COL18A1: variants seen among roughly 807,000 people sequenced by gnomAD.
The protein encoded by COL18A1 is collagen alpha-1(XVIII) chain.
A neutral mutation model predicts 168.0 loss-of-function variants in COL18A1; 133 were observed. The ratio of observed to expected loss-of-function variants is 0.79; its 90% CI spans 0.69 to 0.91. The LOEUF (loss-of-function observed/expected upper bound fraction) is 0.91, where lower values mean the gene tolerates loss of function less well. COL18A1 is among the 40% of genes least tolerant of loss of function. The pLI is 0.00. For missense variants in COL18A1, 2,126 were observed against 1,925.4 expected, an observed-to-expected ratio of 1.10 and a Z score of -1.95; for synonymous variants, 949 against 809.0, an observed-to-expected ratio of 1.17 and a Z score of -2.94.
chr21:45,451,650 A>T (rs1226859965), intron 2 of COL18A1, among the ~76,000 whole-genome samples: 1 of 152,182 alleles, frequency 6.6e-6, no homozygotes, highest in African/African-American at 2.4e-5. Context: ...CAGCAGCAGG[A>T]GCGCTCAGAG....
Position 45,468,472 on chromosome 21 carries a change from G to T in COL18A1, c.337G>T (p.Asp113Tyr). 2.5e-6 allele frequency: 4 copies of T among 1,614,078 alleles called. No individual in the cohort carries two copies. Among genetic ancestry groups the T allele is most frequent in the Non-Finnish European group, 3.4e-6 (4 of 1,180,032 alleles). ...EGPGVLFAIT[D>Y]SAQAMVLLGV... is the part of the protein sequence containing the mutation. ...CCCAGGGGTGCTGTTCGCCATCACG[G>T]ACTCGGCGCAGGCCATGGTCTTGCT... is the stretch of plus-strand genomic sequence containing the variant. Residue 113 changes from aspartate to tyrosine, a missense_variant, in exon 3 of 42, where the codon GAC becomes TAC. Transcript: ENST00000651438.
chr21:45,408,872 G>C (rs1160659732), intron 2 of COL18A1, among the ~76,000 whole-genome samples: 1 of 152,236 alleles, frequency 6.6e-6, no homozygotes, highest in Non-Finnish European at 1.5e-5. Context: ...CCTCACAGCT[G>C]TGGGGGATGG....
intron 2 of COL18A1, among the ~76,000 whole-genome samples, chr21:45,418,733 T>G: frequency 4.0e-5 from 6 of 150,438 alleles, no homozygotes; most frequent in Non-Finnish European, 6.0e-5. Flanking sequence ...CTTCCTGGGG[T>G]CTCAGGGCAG....
At chr21:45,438,532 G>T (rs1451485791) in intron 2 of COL18A1, among the ~76,000 whole-genome samples, 1 of 152,242 alleles carries the variant, frequency 6.6e-6, no homozygotes, top group Non-Finnish European at 1.5e-5. Context: ...TTTTCCTGCC[G>T]GCTGCACGGC....
At chr21:45,465,669 G>A (rs944819551) in intron 2 of COL18A1, among the ~76,000 whole-genome samples, 1 of 152,152 alleles carries the variant, frequency 6.6e-6, no homozygotes, top group Non-Finnish European at 1.5e-5. Context: ...GCTGGAGGGC[G>A]GGGGGCTGGC....
intron 21 of COL18A1, 23 bp downstream of exon 21, chr21:45,490,894 G>C: frequency 2.6e-6 from 4 of 1,547,066 alleles, no homozygotes; most frequent in Non-Finnish European, 3.5e-6. Context: ...GGGGCGGGTG[G>C]ATGGGGATGG....
chr21:45,510,147 G>T lies in COL18A1; in HGVS notation c.3579G>T (p.Ala1193=), dbSNP rs372559352. The change falls in exon 40 of 42, where the codon GCG becomes GCT. Residue 1193 remains alanine (A), a synonymous_variant. Transcript: ENST00000651438. The part of the protein sequence containing the change: ...RGADFQCFQQ[A]RAVGLAGTFR... Reference sequence around the variant, plus strand: ...CCGACTTCCAGTGCTTCCAGCAGGCGCGGGCCGTGGGGCTGGCGGGCACCT... The same window carrying T: ...CCGACTTCCAGTGCTTCCAGCAGGCTCGGGCCGTGGGGCTGGCGGGCACCT... 3 of 1,599,222 alleles carry T rather than the reference G, an allele frequency of 1.9e-6. No individual in the cohort carries two copies. The highest frequency in any genetic ancestry group is 4.6e-5 in the East Asian group (2 of 43,892).
intron 9 of COL18A1, among the ~76,000 whole-genome samples, chr21:45,478,871 C>T (rs1181456621): frequency 6.6e-6 from 1 of 152,222 alleles, no homozygotes; most frequent in East Asian, 1.9e-4. Flanking sequence ...GGGGCCGTCA[C>T]GAACGCTGGA....
chr21:45,419,298 A>T (rs2033548197), intron 2 of COL18A1, among the ~76,000 whole-genome samples: 1 of 151,154 alleles, frequency 6.6e-6, no homozygotes, highest in South Asian at 2.1e-4. Context: ...TAGTGACGTG[A>T]TGCCGTGTAG....
At chr21:45,502,321 G>T (rs2146051500) in intron 32 of COL18A1, among the ~76,000 whole-genome samples, 1 of 152,352 alleles carries the variant, frequency 6.6e-6, no homozygotes, top group South Asian at 2.1e-4. Flanking sequence ...ACAGGAGAAG[G>T]TTTGCCCAGG....
In COL18A1 at chr21:45,437,821, C is replaced by T. The variant is rs1212290582; in HGVS notation, c.107-30421C>T. Among the ~76,000 whole-genome samples the T allele has an allele frequency of 5.6e-5, 4 of 71,104 alleles. 1 individual carries two copies. Among genetic ancestry groups the T allele is most frequent in the African/African-American group, 5.4e-4 (4 of 7,432 alleles). 46.6% of individuals were successfully genotyped at this position (71,104 alleles called of 152,430 possible). A position where few individuals can be genotyped will look rare whatever the true frequency, so the allele number is the denominator to read the frequency against. On this transcript the variant is annotated intron_variant, in intron 2 of 41. Transcript: ENST00000651438. ...ACACACAGGCACTCTCCTGCACACA[C>T]TCACACTCAGACAAGCACTCTCCTG...
chr21:45,479,874 G>A (rs759967570), intron 9 of COL18A1, 28 bp from the exon 10 acceptor site: 12 of 1,613,098 alleles, frequency 7.4e-6, no homozygotes, highest in Admixed American at 1.7e-5. Context: ...TGCCTTCCCT[G>A]ACCGGGCCCC....
At chr21:45,505,324 G>C (rs1162034826) in intron 35 of COL18A1, 34 bp from the exon 36 acceptor site, 1 of 1,597,936 alleles carries the variant, frequency 6.3e-7, no homozygotes. Context: ...GCCTCGTGTG[G>C]CTTCGTGTTC....
At chr21:45,458,421 C>T (rs1176224752) in intron 2 of COL18A1, among the ~76,000 whole-genome samples, 1 of 151,984 alleles carries the variant, frequency 6.6e-6, no homozygotes, top group Admixed American at 6.5e-5. Flanking sequence ...GGGGCTGTGC[C>T]CGCGAATGTT....
rs532198505 is a variant in COL18A1, at chr21:45,442,328, G to T, written c.107-25914G>T. On this transcript the variant is annotated intron_variant, in intron 2 of 41. Transcript: ENST00000651438. ...GTAACTGCAGAGCATGATGAAAACC[G>T]TGAAGCCACAGAGGCACACGTCGTG... Among the ~76,000 whole-genome samples, 5 of 152,308 alleles carry T rather than the reference G, an allele frequency of 3.3e-5. No individual in the cohort carries two copies. In the South Asian group the frequency reaches 1.0e-3, roughly 32 times the overall value.
chr21:45,497,142 C>CCCTT, intron 31 of COL18A1, 50 bp downstream of exon 31: 9 of 1,165,196 alleles, frequency 7.7e-6, no homozygotes, highest in Non-Finnish European at 1.1e-5. Context: ...AAGGGATGCT[C>CCCTT]CAGAGCCCCA....
Position 45,505,710 on chromosome 21 carries a change from G to A in COL18A1, c.3088-128G>A, listed in dbSNP as rs756585106. ...CCCCATGGTGCTCATGGGGGCAGCC[G>A]CCTCAGTCCACACCTGTCCAAAGCC... is the stretch of plus-strand genomic sequence containing the variant. On this transcript the variant is annotated intron_variant, in intron 36 of 41. Coordinates refer to ENST00000651438, the MANE Select transcript of COL18A1 (RefSeq NM_001379500.1). The A allele has an allele frequency of 3.2e-4, 254 of 788,362 alleles. 2 individuals are homozygous for A. Among genetic ancestry groups the A allele is most frequent in the Admixed American group, 8.1e-4 (39 of 47,936 alleles). The allele number at this position is 788,362 out of a possible 1,614,324, so 48.8% of individuals were successfully genotyped here. A position where few individuals can be genotyped will look rare whatever the true frequency, so the allele number is the denominator to read the frequency against.
At position 45,423,494 on chromosome 21, in the gene COL18A1, G is replaced by GC. The variant is rs1250978645; in HGVS notation, c.106+18027dup. ...ACACACAGCTGGGCGCCCGCCCCCC[G>GC]CCCCCCGCCCCCCGGAGGGCCCGGC... On this transcript the variant is annotated intron_variant, in intron 2 of 41. Transcript: ENST00000651438. This position sits in a 1 kb window ranked among gnomAD's most constrained non-coding sequence, Gnocchi z 4.0. 1.4e-5 allele frequency among the ~76,000 whole-genome samples: 1 copy of GC among 72,138 alleles called. No individual in the cohort carries two copies. Among genetic ancestry groups the GC allele is most frequent in the Non-Finnish European group, 3.6e-5 (1 of 27,848 alleles). 47.3% of individuals were successfully genotyped at this position (72,138 alleles called of 152,430 possible).
chr21:45,477,930 G>T lies in COL18A1; in HGVS notation c.1186G>T (p.Gly396Trp). ...PGPQGPPGPP[G>W]RDGTPGRDGE... is the part of the protein sequence containing the mutation. ...ACCACAAGGACCCCCAGGGCCTCCG[G>T]GGAGGGACGGCACCCCTGGAAGGGA... Residue 396 changes from glycine to tryptophan, a missense_variant, in exon 8 of 42, where the codon GGG (glycine) becomes TGG (tryptophan). Transcript: ENST00000651438. 1 of 1,562,932 alleles carries T rather than the reference G, an allele frequency of 6.4e-7. No homozygotes were observed. Among genetic ancestry groups the T allele is most frequent in the Non-Finnish European group, 8.7e-7 (1 of 1,152,836 alleles).
Sources: gnomAD v4.1 joint callset for allele counts (sites outside exome capture counted in the v4.1 genomes callset) on GRCh38, gnomAD v4.1.1 for gene constraint, Gnocchi (gnomAD v3.1) non-coding constraint, MANE v1.5 for transcripts, NCBI Gene and HGNC (gene_info 2026-07-23, HGNC 2026-07-21) for gene names.